MSI2: variants seen among roughly 807,000 people sequenced by gnomAD.
MSI2 encodes the protein musashi RNA binding protein 2.
MSI2 carries 17 observed loss-of-function variants against 45.6 expected under a neutral mutation model. That is an observed-to-expected ratio of 0.37 (90% CI 0.26 to 0.56). MSI2 has a LOEUF of 0.56. Among genes scored for constraint, MSI2 ranks in the 20% least tolerant of loss-of-function variants. The pLI is 0.77. For synonymous variants in MSI2, 156 were observed against 158.2 expected (o/e 0.99, Z 0.11); for missense variants, 293 against 444.2 (o/e 0.66, Z 3.06).
intron 6 of MSI2, among the ~76,000 whole-genome samples, chr17:57,497,662 G>T (rs2086007838): frequency 6.6e-6 from 1 of 152,088 alleles, no homozygotes; most frequent in Non-Finnish European, 1.5e-5. Context: ...ATGTCTTTGG[G>T]CCCCTTATCC....
At chr17:57,359,447 G>T (rs998026647) in intron 5 of MSI2, among the ~76,000 whole-genome samples, 9 of 152,152 alleles carry the variant, frequency 5.9e-5, no homozygotes, top group Admixed American at 2.0e-4. Flanking sequence ...TGTAATTCTG[G>T]GGGGCGGACT....
intron 6 of MSI2, among the ~76,000 whole-genome samples, chr17:57,433,182 T>A (rs1404280619): frequency 6.6e-6 from 1 of 152,218 alleles, no homozygotes; most frequent in East Asian, 1.9e-4. Flanking sequence ...TTCTCTAAGG[T>A]GACACGCCAA....
At chr17:57,615,797 G>A (rs1437587182) in intron 8 of MSI2, among the ~76,000 whole-genome samples, 173 bp from the exon 9 acceptor site, 2 of 152,190 alleles carry the variant, frequency 1.3e-5, no homozygotes, top group Non-Finnish European at 2.9e-5. Flanking sequence ...ATTTGCACAA[G>A]TGGCGTGTTT....
At chr17:57,700,706 C>A in the MSI2 span, among the ~76,000 whole-genome samples, 16 of 152,228 alleles carry the variant, frequency 1.1e-4, no homozygotes, top group East Asian at 3.9e-4. Context: ...AGTTCGAGAC[C>A]AGCCTGGCCA....
At chr17:57,422,722 C>T (rs939263028) in intron 6 of MSI2, among the ~76,000 whole-genome samples, 2 of 152,192 alleles carry the variant, frequency 1.3e-5, no homozygotes, top group Admixed American at 6.5e-5. Context: ...TGAGATGTGG[C>T]GCATTATATA....
At chr17:57,460,387 A>T (rs542300209) in intron 6 of MSI2, among the ~76,000 whole-genome samples, 3 of 151,892 alleles carry the variant, frequency 2.0e-5, no homozygotes, top group Admixed American at 6.6e-5. Flanking sequence ...GGAAAAAGAG[A>T]GAAAGAGAAG....
At chr17:57,343,060 A>G (rs908920269) in intron 5 of MSI2, among the ~76,000 whole-genome samples, 9 of 152,240 alleles carry the variant, frequency 5.9e-5, no homozygotes, top group African/African-American at 2.2e-4. Flanking sequence ...CAGATTTTAA[A>G]AAAAGAGACA....
chr17:57,605,599 C>A (rs570491166), intron 8 of MSI2, among the ~76,000 whole-genome samples: 1 of 152,226 alleles, frequency 6.6e-6, no homozygotes, highest in Non-Finnish European at 1.5e-5. Context: ...GCCTCTTCCC[C>A]GCGCAGAAGG....
In MSI2 at chr17:57,280,929, G is replaced by A. The variant is rs962669899; in HGVS notation, c.312+18737G>A. Among the ~76,000 whole-genome samples the A allele has an allele frequency of 6.6e-6, 1 of 152,116 alleles. No homozygotes were observed. Among genetic ancestry groups the A allele is most frequent in the African/African-American group, 2.4e-5 (1 of 41,428 alleles). ...ATGAGTTTTAGGGTGGGGGTGGCCA[G>A]GTCAGATGGGTGTTGGGGAAAGAGC... is the stretch of plus-strand genomic sequence containing the variant. On this transcript the variant is annotated intron_variant, in intron 5 of 13. Transcript: ENST00000284073. The surrounding 1 kb of genome is among the most constrained non-coding windows in gnomAD (Gnocchi z 4.2).
chr17:57,465,572 C>T (rs571802299), intron 6 of MSI2, among the ~76,000 whole-genome samples: 2 of 152,152 alleles, frequency 1.3e-5, no homozygotes, highest in African/African-American at 2.4e-5. Context: ...GAAAGGAGCC[C>T]GTTGTATGCC....
intron 5 of MSI2, among the ~76,000 whole-genome samples, chr17:57,379,193 C>T (rs562540552): frequency 6.6e-6 from 1 of 151,396 alleles, no homozygotes; most frequent in South Asian, 2.1e-4. Flanking sequence ...CTGCTCTCAG[C>T]TCACCCCACT....
intron 5 of MSI2, among the ~76,000 whole-genome samples, chr17:57,374,391 T>G (rs1215455523): frequency 6.6e-6 from 1 of 152,232 alleles, no homozygotes; most frequent in African/African-American, 2.4e-5. Flanking sequence ...CCTAAAACTT[T>G]AACTTCCTCA....
intron 5 of MSI2, among the ~76,000 whole-genome samples, chr17:57,382,014 A>G (rs1276425817): frequency 6.6e-6 from 1 of 152,236 alleles, no homozygotes; most frequent in East Asian, 1.9e-4. Flanking sequence ...GTAAATACTT[A>G]GTGATAATAG....
intron 6 of MSI2, among the ~76,000 whole-genome samples, chr17:57,457,297 G>A (rs1385492754): frequency 3.3e-5 from 5 of 152,158 alleles, no homozygotes; most frequent in Non-Finnish European, 7.3e-5. Context: ...TTCCCCTAGA[G>A]CCGTGTTTCC....
chr17:57,268,833 T>TCAAA (rs375379200), intron 5 of MSI2, among the ~76,000 whole-genome samples: 5,922 of 151,992 alleles, frequency 0.039, 182 homozygotes, highest in East Asian at 0.11. Context: ...AGACTCCATC[T>TCAAA]CAAACAAACA....
chr17:57,582,535 A>G (rs1234607525), intron 7 of MSI2, among the ~76,000 whole-genome samples: 1 of 152,188 alleles, frequency 6.6e-6, no homozygotes, highest in Admixed American at 6.5e-5. Context: ...TTGGATTCTA[A>G]GTTTAGTTTA....
chr17:57,349,158 G>A lies in MSI2; in HGVS notation c.313-52221G>A, dbSNP rs539252872. Among the ~76,000 whole-genome samples the A allele has an allele frequency of 6.6e-5, 10 of 152,242 alleles. 1 individual carries two copies. The highest frequency in any genetic ancestry group is 1.5e-4 in the Non-Finnish European group (10 of 68,020). ...CCTCGGGGTTGGAAGCCTGGGATGAGGACTCCAGGCTCTCGTCTCGGAGCC... is the reference window on the plus strand; with the variant it reads ...CCTCGGGGTTGGAAGCCTGGGATGAAGACTCCAGGCTCTCGTCTCGGAGCC... On this transcript the variant is annotated intron_variant, in intron 5 of 13. Coordinates refer to ENST00000284073, the MANE Select transcript of MSI2 (RefSeq NM_138962.4).
chr17:57,369,191 G>A (rs1303476565), intron 5 of MSI2, among the ~76,000 whole-genome samples: 2 of 152,180 alleles, frequency 1.3e-5, no homozygotes, highest in Admixed American at 6.5e-5. Flanking sequence ...TGTTGAGAGT[G>A]ACGTCACAGT....
intron 5 of MSI2, among the ~76,000 whole-genome samples, chr17:57,379,422 A>G (rs191745334): frequency 3.6e-3 from 542 of 151,324 alleles, no homozygotes; most frequent in South Asian, 0.012. Context: ...GAAGCCTTCA[A>G]TAAAAGTCGT....
Sources: gnomAD v4.1 joint callset for allele counts (sites outside exome capture counted in the v4.1 genomes callset) on GRCh38, gnomAD v4.1.1 for gene constraint, Gnocchi (gnomAD v3.1) non-coding constraint, MANE v1.5 for transcripts, NCBI Gene and HGNC (gene_info 2026-07-23, HGNC 2026-07-21) for gene names.